The following DIP2B variants were observed in gnomAD, a reference collection of about 807,000 sequenced individuals.
DIP2B encodes DIP2 acetate--CoA ligase B (putative), also known as disco-interacting protein 2 homolog B.
Under a neutral mutation model 198.0 loss-of-function variants are expected in DIP2B, and 76 were observed. That is an observed-to-expected ratio of 0.38 (90% CI 0.32 to 0.46). The LOEUF (loss-of-function observed/expected upper bound fraction) is 0.46. Ranked by LOEUF, DIP2B falls within the 20% of genes least tolerant of loss-of-function variation. The pLI, the probability that DIP2B is intolerant of heterozygous loss-of-function variation, is 0.99. For missense variants in DIP2B, 1,559 were observed against 1,978.4 expected, an observed-to-expected ratio of 0.79 and a Z score of 4.02; for synonymous variants, 701 against 739.1, an observed-to-expected ratio of 0.95 and a Z score of 0.84.
intron 2 of DIP2B, 84 bp from the exon 3 acceptor site, chr12:50,640,640 G>A (rs990821634): frequency 6.8e-7 from 1 of 1,463,462 alleles, no homozygotes; most frequent in South Asian, 1.2e-5. Flanking sequence ...CTAGCTCAGA[G>A]TATTGTGAGA....
intron 1 of DIP2B, among the ~76,000 whole-genome samples, chr12:50,549,726 T>G (rs1020651914): frequency 1.6e-4 from 20 of 126,498 alleles, no homozygotes; most frequent in African/African-American, 4.5e-4. Context: ...AAAAAAGCCA[T>G]GTGGTTGTTC....
chr12:50,548,732 G>A (rs1165436270), intron 1 of DIP2B, among the ~76,000 whole-genome samples: 1 of 152,206 alleles, frequency 6.6e-6, no homozygotes, highest in East Asian at 1.9e-4. Context: ...CGGCATGTTG[G>A]CCAGGCTGGT....
At chr12:50,671,946 CAG>C (rs1464789508) in intron 5 of DIP2B, among the ~76,000 whole-genome samples, 1 of 152,152 alleles carries the variant, frequency 6.6e-6, no homozygotes, top group Non-Finnish European at 1.5e-5. Context: ...TGCTACTATA[CAG>C]AGTGTAGCTT....
chr12:50,668,709 T>C (rs557544746), intron 4 of DIP2B, among the ~76,000 whole-genome samples: 48 of 152,198 alleles, frequency 3.2e-4, no homozygotes, highest in Non-Finnish European at 5.6e-4. Context: ...CCAATGGAGA[T>C]TGTGGAATCT....
chr12:50,625,419 A>G (rs1038742630), intron 1 of DIP2B, among the ~76,000 whole-genome samples: 7 of 152,234 alleles, frequency 4.6e-5, no homozygotes, highest in African/African-American at 1.7e-4. Flanking sequence ...GGAGAGCCAC[A>G]TGAGTAAATA....
At chr12:50,588,959 C>T (rs922179755) in intron 1 of DIP2B, among the ~76,000 whole-genome samples, 18 of 151,786 alleles carry the variant, frequency 1.2e-4, no homozygotes, top group African/African-American at 2.7e-4. Flanking sequence ...CCGAGGCGGG[C>T]GGATCACGAG....
At chr12:50,512,057 AT>A (rs1417177907) in intron 1 of DIP2B, among the ~76,000 whole-genome samples, 34 of 147,670 alleles carry the variant, frequency 2.3e-4, no homozygotes, top group African/African-American at 8.2e-4. Flanking sequence ...AAGTGCTGAG[AT>A]TATAGGTATG....
At chr12:50,572,271 A>C (rs547062584) in intron 1 of DIP2B, among the ~76,000 whole-genome samples, 113 of 152,244 alleles carry the variant, frequency 7.4e-4, no homozygotes, top group African/African-American at 2.7e-3. Context: ...GTTTCCTCAA[A>C]CTTTGTTGAG....
intron 1 of DIP2B, among the ~76,000 whole-genome samples, chr12:50,615,018 G>A (rs1484840971): frequency 2.0e-5 from 3 of 152,126 alleles, no homozygotes; most frequent in Non-Finnish European, 4.4e-5. Context: ...CTAGACTATT[G>A]ATAAAGAATG....
chr12:50,655,809 A>G (rs992495551), intron 3 of DIP2B, among the ~76,000 whole-genome samples: 25 of 152,156 alleles, frequency 1.6e-4, no homozygotes, highest in African/African-American at 6.0e-4. Flanking sequence ...GTGAAACTCC[A>G]TCTCTACCAA....
chr12:50,549,425 G>T (rs1958406570), intron 1 of DIP2B, among the ~76,000 whole-genome samples: 1 of 152,188 alleles, frequency 6.6e-6, no homozygotes. Context: ...AGCTACACGG[G>T]AGGCTGAGGC....
intron 1 of DIP2B, among the ~76,000 whole-genome samples, chr12:50,509,464 C>T (rs961744357): frequency 6.6e-6 from 1 of 152,232 alleles, no homozygotes; most frequent in African/African-American, 2.4e-5. Flanking sequence ...AAATAACACT[C>T]ACAGGAAGGG....
intron 18 of DIP2B, among the ~76,000 whole-genome samples, chr12:50,698,686 T>G (rs1939362978): frequency 6.6e-6 from 1 of 152,226 alleles, no homozygotes; most frequent in Non-Finnish European, 1.5e-5. Flanking sequence ...GTCCATTTCT[T>G]TACCTGGAAG....
At chr12:50,511,658 G>T (rs528766093) in intron 1 of DIP2B, among the ~76,000 whole-genome samples, 1 of 150,690 alleles carries the variant, frequency 6.6e-6, no homozygotes, top group Admixed American at 6.6e-5. Flanking sequence ...TTTTTTTAAA[G>T]TAGAAATGAG....
chr12:50,628,775 C>T lies in DIP2B; in HGVS notation c.172+2728C>T, dbSNP rs934392608. Among the ~76,000 whole-genome samples the T allele has an allele frequency of 6.6e-5, 10 of 152,322 alleles. No homozygotes were observed. The East Asian group carries it at 7.7e-4, about 12-fold the overall frequency. ...TTTCTCAAATGCTCACTTCTCAGCC[C>T]GTTTTAGTTCCTTCTGGAGCTATTG... is the stretch of plus-strand genomic sequence containing the variant. On this transcript the variant is annotated intron_variant, in intron 2 of 37. Transcript: ENST00000301180.
At chr12:50,739,764 C>CTT (rs1040146487) in intron 36 of DIP2B, among the ~76,000 whole-genome samples, 178 bp downstream of exon 36, 1 of 152,208 alleles carries the variant, frequency 6.6e-6, no homozygotes, top group East Asian at 1.9e-4. Context: ...TGAAGAGTGT[C>CTT]TAAGAGGTGA....
chr12:50,569,257 T>G (rs1958593163), intron 1 of DIP2B, among the ~76,000 whole-genome samples: 1 of 152,222 alleles, frequency 6.6e-6, no homozygotes, highest in South Asian at 2.1e-4. Context: ...ATGTGTTTTC[T>G]GTGGAATTGC....
intron 31 of DIP2B, 129 bp downstream of exon 31, chr12:50,731,666 G>A (rs1816014959): frequency 8.6e-7 from 1 of 1,159,022 alleles, no homozygotes; most frequent in Non-Finnish European, 1.2e-6. Context: ...AGTTAAAAAA[G>A]GGTGTATTTT....
intron 1 of DIP2B, among the ~76,000 whole-genome samples, chr12:50,510,218 A>G (rs1222684154): frequency 6.6e-6 from 1 of 152,234 alleles, no homozygotes; most frequent in Non-Finnish European, 1.5e-5. Context: ...GAATGATTGT[A>G]AACTGGTTTT....
Sources: allele counts gnomAD v4.1 joint callset (sites outside exome capture counted in the v4.1 genomes callset), GRCh38; gene constraint gnomAD v4.1.1; transcripts MANE v1.5; gene names NCBI Gene and HGNC (gene_info 2026-07-23, HGNC 2026-07-21).